Variants in ARHGEF10 observed in about 807,000 individuals in gnomAD.
ARHGEF10 encodes Rho guanine nucleotide exchange factor 10.
A neutral mutation model predicts 147.4 loss-of-function variants in ARHGEF10; 140 were observed. The ratio of observed to expected loss-of-function variants is 0.95; its 90% CI spans 0.83 to 1.09. ARHGEF10 has a LOEUF of 1.09. ARHGEF10 is among the 50% of genes least tolerant of loss of function. The pLI, the probability that ARHGEF10 is intolerant of heterozygous loss-of-function variation, is 0.00. For missense variants in ARHGEF10, 2,222 were observed against 1,752.7 expected, an observed-to-expected ratio of 1.27 and a Z score of -4.78; for synonymous variants, 902 against 695.8, an observed-to-expected ratio of 1.30 and a Z score of -4.67.
At chr8:1,889,721 T>A in intron 11 of ARHGEF10, among the ~76,000 whole-genome samples, 1 of 90,940 alleles carries the variant, frequency 1.1e-5, no homozygotes, top group East Asian at 3.9e-4. Flanking sequence ...AGACCCTGAG[T>A]GGAGTGAGGG....
chr8:1,868,167 GA>G (rs1200502843), intron 6 of ARHGEF10, among the ~76,000 whole-genome samples: 1 of 152,220 alleles, frequency 6.6e-6, no homozygotes, highest in African/African-American at 2.4e-5. Flanking sequence ...GCTATTAAAA[GA>G]AAGAGCGTCT....
chr8:1,829,716 G>C (rs926904302), intron 1 of ARHGEF10, among the ~76,000 whole-genome samples: 1 of 152,222 alleles, frequency 6.6e-6, no homozygotes, highest in Non-Finnish European at 1.5e-5. Flanking sequence ...TCACTTTTCA[G>C]CTGCAGCTGG....
intron 8 of ARHGEF10, among the ~76,000 whole-genome samples, chr8:1,878,261 C>T (rs912599361): frequency 6.6e-6 from 1 of 152,066 alleles, no homozygotes; most frequent in African/African-American, 2.4e-5. Context: ...GTGATCTCGG[C>T]TCACTGCAAC....
chr8:1,951,594 A>G (rs1815054316), intron 27 of ARHGEF10, among the ~76,000 whole-genome samples: 1 of 152,174 alleles, frequency 6.6e-6, no homozygotes, highest in Admixed American at 6.5e-5. Flanking sequence ...TTTATCAGAG[A>G]TGAACTTTGG....
intron 11 of ARHGEF10, 114 bp from the exon 12 acceptor site, chr8:1,893,455 C>A (rs928633749): frequency 5.3e-6 from 4 of 749,044 alleles, no homozygotes. Context: ...CCCTTGTGCA[C>A]TGTTTTCTAA....
At chr8:1,871,356 A>C (rs58310319) in intron 7 of ARHGEF10, among the ~76,000 whole-genome samples, 10,075 of 152,148 alleles carry the variant, frequency 0.066, 1,059 homozygotes, top group African/African-American at 0.22. Context: ...AATCAGTAAA[A>C]AAAAATCAAT....
intron 26 of ARHGEF10, among the ~76,000 whole-genome samples, chr8:1,936,810 G>A (rs1352325809): frequency 1.3e-5 from 2 of 152,192 alleles, no homozygotes; most frequent in African/African-American, 4.8e-5. Flanking sequence ...TGCATCCTCT[G>A]TCATCTCAGA....
chr8:1,939,092 G>C (rs559617676), intron 26 of ARHGEF10, among the ~76,000 whole-genome samples: 14 of 152,058 alleles, frequency 9.2e-5, no homozygotes, highest in African/African-American at 2.9e-4. Context: ...AGACACCCCT[G>C]AACACTGTGG....
Position 1,858,118 on chromosome 8 carries a change from G to T in ARHGEF10, c.193+3G>T, listed in dbSNP as rs1340163874. On this transcript the variant is annotated splice_donor_region_variant and intron_variant, in intron 3 of 28. Transcript: ENST00000349830. ...CAGTGAAGCCCCTGCACCCACAGGT[G>T]AGTTTCCAGGAGGGTCCCCAGGTGA... The T allele has an allele frequency of 6.2e-7, 1 of 1,613,134 alleles. No homozygotes were observed.
At position 1,957,300 on chromosome 8, in the gene ARHGEF10, C is replaced by G. The variant is rs1354309683; in HGVS notation, c.*37C>G. ...GCCTTCTGCTGTCAGAATTTGCAAT[C>G]AAGGGTGACTTCTCAGCTAATCCTA... On this transcript the variant is annotated 3_prime_UTR_variant, in exon 29 of 29. Coordinates refer to ENST00000349830, the MANE Select transcript of ARHGEF10 (RefSeq NM_014629.4). 2 of 1,593,786 alleles carry G rather than the reference C, an allele frequency of 1.3e-6. No homozygotes were observed. Among genetic ancestry groups the G allele is most frequent in the Non-Finnish European group, 1.7e-6 (2 of 1,173,118 alleles).
intron 21 of ARHGEF10, 64 bp downstream of exon 21, chr8:1,923,938 G>T (rs897062523): frequency 6.8e-7 from 1 of 1,480,820 alleles, no homozygotes. Flanking sequence ...CTGCCCACGA[G>T]GGTGAGGTCA....
At position 1,945,850 on chromosome 8, in the gene ARHGEF10, C is replaced by T. The variant is rs1053664189; in HGVS notation, c.3397+195C>T. ...GCATGGTCAGCCCACTTTAGCGCTTCCCGGTGCAGGGCACAGGTCCTGAAG... is the reference window on the plus strand; with the variant it reads ...GCATGGTCAGCCCACTTTAGCGCTTTCCGGTGCAGGGCACAGGTCCTGAAG... On this transcript the variant is annotated intron_variant, in intron 27 of 28. Transcript: ENST00000349830. 6 of 771,786 alleles carry T rather than the reference C, an allele frequency of 7.8e-6. No individual in the cohort carries two copies. In the African/African-American group the frequency reaches 8.6e-5, roughly 11 times the overall value. The allele number at this position is 771,786 out of a possible 1,614,324, so 47.8% of individuals were successfully genotyped here. A position where few individuals can be genotyped will look rare whatever the true frequency, so the allele number is the denominator to read the frequency against.
At chr8:1,904,029 C>A (rs913783884) in intron 16 of ARHGEF10, 1 of 157,754 alleles carries the variant, frequency 6.3e-6, no homozygotes, top group East Asian at 1.9e-4. Flanking sequence ...CCTGGGAGGT[C>A]CAGGCTGTGG....
At chr8:1,939,853 G>A (rs1036550209) in intron 26 of ARHGEF10, among the ~76,000 whole-genome samples, 6 of 152,188 alleles carry the variant, frequency 3.9e-5, no homozygotes, top group African/African-American at 7.2e-5. Context: ...TCCCCATGCC[G>A]CTGAAGGTAG....
In ARHGEF10 at chr8:1,907,707, C is replaced by T. The variant is rs989126168; in HGVS notation, c.1968-1588C>T. On this transcript the variant is annotated intron_variant, in intron 17 of 28. Coordinates refer to ENST00000349830, the MANE Select transcript of ARHGEF10 (RefSeq NM_014629.4). ...ACTGCTAGAGGATTCCTTAAAATAA[C>T]GCCCCTGCCTTTCCCACGATGCCAG... Among the ~76,000 whole-genome samples the T allele has an allele frequency of 4.6e-5, 7 of 152,306 alleles. No homozygotes were observed. The South Asian group carries it at 6.2e-4, about 14-fold the overall frequency.
At chr8:1,828,619 C>T (rs58806426) in intron 1 of ARHGEF10, among the ~76,000 whole-genome samples, 1 of 135,902 alleles carries the variant, frequency 7.4e-6, no homozygotes. Context: ...TTTGATAAAC[C>T]GTGGCATGCA....
At chr8:1,913,233 A>G (rs1053427341) in intron 18 of ARHGEF10, among the ~76,000 whole-genome samples, 6 of 152,066 alleles carry the variant, frequency 3.9e-5, no homozygotes, top group South Asian at 2.1e-4. Flanking sequence ...CTGGCCTTCA[A>G]GGGTGTTTCA....
At chr8:1,886,100 G>A (rs1305181748) in intron 11 of ARHGEF10, among the ~76,000 whole-genome samples, 1 of 152,136 alleles carries the variant, frequency 6.6e-6, no homozygotes, top group Non-Finnish European at 1.5e-5. Context: ...AGACTGAGAT[G>A]AAAATGACAG....
chr8:1,856,133 G>T (rs1236468300), intron 2 of ARHGEF10, among the ~76,000 whole-genome samples: 2 of 152,230 alleles, frequency 1.3e-5, no homozygotes, highest in Non-Finnish European at 2.9e-5. Flanking sequence ...GGAAGTGGGT[G>T]AGGCTTTGGT....
Sources: gnomAD v4.1 joint callset for allele counts (sites outside exome capture counted in the v4.1 genomes callset) on GRCh38, gnomAD v4.1.1 for gene constraint, MANE v1.5 for transcripts, NCBI Gene and HGNC (gene_info 2026-07-23, HGNC 2026-07-21) for gene names.